Variants in VEPH1 observed in about 807,000 individuals in gnomAD.
VEPH1 encodes ventricular zone expressed PH domain containing 1, also known as ventricular zone-expressed PH domain-containing protein homolog 1.
Under a neutral mutation model 85.2 loss-of-function variants are expected in VEPH1, and 80 were observed. The ratio of observed to expected loss-of-function variants is 0.94; its 90% CI spans 0.78 to 1.13. The LOEUF (loss-of-function observed/expected upper bound fraction) is 1.13, where lower values mean the gene tolerates loss of function less well. Among genes scored for constraint, VEPH1 ranks in the 50% most tolerant of loss-of-function variants. The pLI is 0.00. For missense variants in VEPH1, 955 were observed against 980.5 expected, an observed-to-expected ratio of 0.97 and a Z score of 0.35; for synonymous variants, 297 against 348.0, an observed-to-expected ratio of 0.85 and a Z score of 1.63.
intron 9 of VEPH1, among the ~76,000 whole-genome samples, chr3:157,350,190 A>C (rs1724711408): frequency 6.6e-6 from 1 of 152,246 alleles, no homozygotes; most frequent in Admixed American, 6.5e-5. Flanking sequence ...AATGGAACAG[A>C]ATAGAGAACC....
chr3:157,297,716 G>A (rs1001246993), intron 11 of VEPH1, among the ~76,000 whole-genome samples: 1 of 152,098 alleles, frequency 6.6e-6, no homozygotes, highest in Non-Finnish European at 1.5e-5. Context: ...AGATGGAGGG[G>A]TGTAATGAGT....
chr3:157,426,280 G>A (rs1732747856), intron 5 of VEPH1, among the ~76,000 whole-genome samples: 1 of 152,178 alleles, frequency 6.6e-6, no homozygotes, highest in Non-Finnish European at 1.5e-5. Context: ...TAGGGGTAGA[G>A]CATGCATCCA....
chr3:157,409,584 T>C (rs1425487026), intron 6 of VEPH1: 1 of 969,982 alleles, frequency 1.0e-6, no homozygotes, highest in African/African-American at 1.8e-5. Flanking sequence ...ATCTGTAGGA[T>C]TTTGGTTTTT....
At chr3:157,363,129 A>G (rs1249880947) in intron 9 of VEPH1, among the ~76,000 whole-genome samples, 1 of 151,882 alleles carries the variant, frequency 6.6e-6, no homozygotes, top group Non-Finnish European at 1.5e-5. Flanking sequence ...GTTTGCAAAA[A>G]TCAAAGAGTC....
intron 2 of VEPH1, among the ~76,000 whole-genome samples, chr3:157,472,332 A>G (rs2165873): frequency 6.6e-6 from 1 of 152,162 alleles, no homozygotes; most frequent in Non-Finnish European, 1.5e-5. Context: ...GGAAATAAGT[A>G]GAAATGTACA....
chr3:157,264,840 G>A lies in VEPH1; in HGVS notation c.2265+686C>T, dbSNP rs1032749610. Among the ~76,000 whole-genome samples the A allele has an allele frequency of 4.6e-5, 7 of 152,256 alleles. 1 individual carries two copies. The Middle Eastern group carries it at 0.017, about 370-fold the overall frequency. Reference sequence around the variant, plus strand: ...TTTGATTCCTCTTGATCCTGAATCAGGAGAGTTTAATGATACATAAAACCA... The same window carrying A: ...TTTGATTCCTCTTGATCCTGAATCAAGAGAGTTTAATGATACATAAAACCA... On this transcript the variant is annotated intron_variant, in intron 13 of 13. Coordinates refer to ENST00000362010, the MANE Select transcript of VEPH1 (RefSeq NM_001167912.2).
intron 6 of VEPH1, among the ~76,000 whole-genome samples, chr3:157,396,215 G>C (rs1488768998): frequency 6.6e-6 from 1 of 152,164 alleles, no homozygotes; most frequent in Admixed American, 6.5e-5. Flanking sequence ...TTAGTTTGCT[G>C]AGGATAATGA....
intron 2 of VEPH1, among the ~76,000 whole-genome samples, chr3:157,473,769 T>C (rs1737197427): frequency 6.6e-6 from 1 of 152,166 alleles, no homozygotes; most frequent in African/African-American, 2.4e-5. Flanking sequence ...TTTTATAATA[T>C]TATAATTTAC....
chr3:157,306,857 T>C (rs1230108910), intron 11 of VEPH1, among the ~76,000 whole-genome samples: 1 of 151,976 alleles, frequency 6.6e-6, no homozygotes, highest in African/African-American at 2.4e-5. Context: ...GTTTTTTAGC[T>C]TCCAAGTCTC....
chr3:157,415,337 A>G (rs910108203), intron 5 of VEPH1: 17 of 152,156 alleles, frequency 1.1e-4, no homozygotes, highest in African/African-American at 3.1e-4. Flanking sequence ...ACATTCAGTA[A>G]AAGAAATAAT....
At chr3:157,283,995 T>C (rs1046410846) in intron 12 of VEPH1, among the ~76,000 whole-genome samples, 1 of 152,298 alleles carries the variant, frequency 6.6e-6, no homozygotes, top group African/African-American at 2.4e-5. Flanking sequence ...GCATAGTACA[T>C]TCTAGGCGCT....
At chr3:157,334,043 G>A (rs1722737315) in intron 9 of VEPH1, among the ~76,000 whole-genome samples, 1 of 152,166 alleles carries the variant, frequency 6.6e-6, no homozygotes, top group Admixed American at 6.5e-5. Flanking sequence ...TGTTGGTGCA[G>A]GGTATATAGG....
At chr3:157,375,547 T>C (rs1727994757) in intron 7 of VEPH1, among the ~76,000 whole-genome samples, 1 of 152,196 alleles carries the variant, frequency 6.6e-6, no homozygotes, top group Non-Finnish European at 1.5e-5. Flanking sequence ...ACTCCATTTC[T>C]TTGATGTTCA....
chr3:157,381,426 C>G, intron 6 of VEPH1, 50 bp from the exon 7 acceptor site: 1 of 1,588,594 alleles, frequency 6.3e-7, no homozygotes, highest in Non-Finnish European at 8.6e-7. Flanking sequence ...AGAAAATCAT[C>G]CAGGCATGGT....
At chr3:157,354,976 C>CTCACT (rs1355270495) in intron 9 of VEPH1, among the ~76,000 whole-genome samples, 3 of 152,154 alleles carry the variant, frequency 2.0e-5, no homozygotes, top group Non-Finnish European at 2.9e-5. Context: ...TATCCTCCTC[C>CTCACT]TCACTTCACT....
chr3:157,493,540 G>A (rs761575314), intron 2 of VEPH1, among the ~76,000 whole-genome samples: 3 of 152,176 alleles, frequency 2.0e-5, no homozygotes, highest in Non-Finnish European at 2.9e-5. Flanking sequence ...TGTTCCATGA[G>A]AGGGTTACAG....
chr3:157,344,869 C>T (rs1577392886), intron 9 of VEPH1, among the ~76,000 whole-genome samples: 1 of 152,094 alleles, frequency 6.6e-6, no homozygotes, highest in Non-Finnish European at 1.5e-5. Flanking sequence ...AGAAATAATG[C>T]CACACATCTA....
intron 4 of VEPH1, chr3:157,437,973 A>G (rs1733778307): frequency 6.6e-7 from 1 of 1,506,332 alleles, no homozygotes; most frequent in Admixed American, 2.2e-5. Flanking sequence ...GAGCGCGCGT[A>G]ACGGCAAGCC....
At chr3:157,459,583 A>T in intron 4 of VEPH1, 1 of 1,163,308 alleles carries the variant, frequency 8.6e-7, no homozygotes. Flanking sequence ...TTTTTGATTG[A>T]TCTGAAACCA....
Sources: allele counts gnomAD v4.1 joint callset (sites outside exome capture counted in the v4.1 genomes callset), GRCh38; gene constraint gnomAD v4.1.1; transcripts MANE v1.5; gene names NCBI Gene and HGNC (gene_info 2026-07-23, HGNC 2026-07-21).